MTSS1: variants seen among roughly 807,000 people sequenced by gnomAD.
MTSS1 encodes the protein protein MTSS 1.
A neutral mutation model predicts 79.0 loss-of-function variants in MTSS1; 18 were observed. The observed-to-expected ratio is 0.23, with a 90% CI of 0.16 to 0.34. The LOEUF (loss-of-function observed/expected upper bound fraction) is 0.34, where lower values mean the gene tolerates loss of function less well. MTSS1 is among the 10% of genes least tolerant of loss of function. MTSS1 has a pLI of 1.00. For missense variants in MTSS1, 815 were observed against 986.2 expected, an observed-to-expected ratio of 0.83 and a Z score of 2.33; for synonymous variants, 341 against 368.6, an observed-to-expected ratio of 0.93 and a Z score of 0.86.
chr8:124,676,716 A>T (rs142935092), intron 3 of MTSS1, among the ~76,000 whole-genome samples: 1 of 152,304 alleles, frequency 6.6e-6, no homozygotes, highest in African/African-American at 2.4e-5. Flanking sequence ...GTTCCCTTGA[A>T]TTCTTTTTTA....
At chr8:124,696,862 A>C (rs574121803) in intron 3 of MTSS1, among the ~76,000 whole-genome samples, 1 of 151,976 alleles carries the variant, frequency 6.6e-6, no homozygotes, top group Non-Finnish European at 1.5e-5. Context: ...AAAAAAAAAA[A>C]AAGAAAAAAA....
chr8:124,554,481 A>G (rs1334485461), intron 13 of MTSS1, among the ~76,000 whole-genome samples: 1 of 152,190 alleles, frequency 6.6e-6, no homozygotes, highest in Non-Finnish European at 1.5e-5. Context: ...TCACCCTCCA[A>G]TAAGACTCAC....
chr8:124,664,510 G>A (rs1048131563), intron 3 of MTSS1, among the ~76,000 whole-genome samples: 3 of 152,140 alleles, frequency 2.0e-5, no homozygotes, highest in African/African-American at 7.2e-5. Flanking sequence ...AAGATTAGAA[G>A]CCACACTCTA....
chr8:124,573,809 T>C (rs533801727), intron 6 of MTSS1, among the ~76,000 whole-genome samples: 47 of 152,348 alleles, frequency 3.1e-4, no homozygotes, highest in African/African-American at 8.7e-4. Context: ...GTTTTGTTTT[T>C]TTCCTGGTGC....
Position 124,589,615 on chromosome 8 carries a change from T to G in MTSS1, c.385+5A>C, listed in dbSNP as rs200996256. 5.9e-5 allele frequency: 95 copies of G among 1,611,870 alleles called. No homozygotes were observed. In the African/African-American group the frequency reaches 1.2e-3, roughly 21 times the overall value. ...AGTGATGCGCTAGACATCTCGCCCCTGTACCTTTTGCGTGGTCTTTATCCA... is the reference window on the plus strand; with the variant it reads ...AGTGATGCGCTAGACATCTCGCCCCGGTACCTTTTGCGTGGTCTTTATCCA... On this transcript the variant is annotated splice_donor_5th_base_variant and intron_variant, in intron 5 of 13. Transcript: ENST00000518547.
At chr8:124,557,586 G>A (rs1313680548) in intron 11 of MTSS1, 95 bp downstream of exon 11, 1 of 1,243,324 alleles carries the variant, frequency 8.0e-7, no homozygotes, top group African/African-American at 1.5e-5. Flanking sequence ...TGAAAGGAAG[G>A]GGATGAGGGG....
chr8:124,566,385 T>C (rs768828030), intron 8 of MTSS1, among the ~76,000 whole-genome samples: 2 of 152,214 alleles, frequency 1.3e-5, no homozygotes, highest in Non-Finnish European at 2.9e-5. Context: ...CTAATAAATA[T>C]AATTTGATAG....
intron 3 of MTSS1, among the ~76,000 whole-genome samples, chr8:124,681,013 A>G (rs1375466971): frequency 2.0e-5 from 3 of 152,104 alleles, no homozygotes; most frequent in Non-Finnish European, 4.4e-5. Flanking sequence ...GTTCAGGGCC[A>G]CCTGAGGATT....
At chr8:124,574,097 A>T (rs61105996) in intron 6 of MTSS1, among the ~76,000 whole-genome samples, 2,728 of 152,182 alleles carry the variant, frequency 0.018, 70 homozygotes, top group African/African-American at 0.059. Flanking sequence ...GGTTCAAGAC[A>T]GTATGTCCGA....
chr8:124,719,097 C>T (rs1832542937), intron 1 of MTSS1, among the ~76,000 whole-genome samples: 1 of 152,158 alleles, frequency 6.6e-6, no homozygotes, highest in African/African-American at 2.4e-5. Context: ...AGAGAGAGCC[C>T]AGTCCTGTGG....
chr8:124,560,012 C>T (rs1271696135), intron 10 of MTSS1, among the ~76,000 whole-genome samples: 1 of 152,098 alleles, frequency 6.6e-6, no homozygotes, highest in Non-Finnish European at 1.5e-5. Flanking sequence ...CCTGTAAGGG[C>T]AAGGAGACAA....
intron 3 of MTSS1, among the ~76,000 whole-genome samples, chr8:124,654,223 A>G (rs1820537632): frequency 6.6e-6 from 1 of 152,212 alleles, no homozygotes; most frequent in African/African-American, 2.4e-5. Flanking sequence ...TGCTGATACA[A>G]TCCTGAAGGT....
chr8:124,704,080 C>T (rs1393731499), intron 2 of MTSS1, 50 bp downstream of exon 2: 8 of 1,565,124 alleles, frequency 5.1e-6, no homozygotes, highest in Non-Finnish European at 7.0e-6. Context: ...CCACTCCATC[C>T]TTGTCTGAGG....
chr8:124,577,220 A>T (rs941019121), intron 6 of MTSS1, among the ~76,000 whole-genome samples: 2 of 152,198 alleles, frequency 1.3e-5, no homozygotes, highest in African/African-American at 4.8e-5. Flanking sequence ...GGCTACATAC[A>T]TTCACCTGAA....
intron 3 of MTSS1, among the ~76,000 whole-genome samples, chr8:124,632,551 C>A (rs112768905): frequency 0.028 from 4,260 of 152,268 alleles, 173 homozygotes; most frequent in African/African-American, 0.097. Context: ...CTGGAAATTT[C>A]TCCAGCCAAA....
intron 13 of MTSS1, among the ~76,000 whole-genome samples, chr8:124,554,780 A>C (rs1823231871): frequency 1.3e-5 from 2 of 152,264 alleles, no homozygotes; most frequent in African/African-American, 4.8e-5. Context: ...CCTACCCCAT[A>C]AGTGGCTGTA....
intron 3 of MTSS1, among the ~76,000 whole-genome samples, chr8:124,679,526 T>C (rs1309483909): frequency 2.6e-5 from 4 of 152,238 alleles, no homozygotes; most frequent in Non-Finnish European, 5.9e-5. Context: ...CGGTCTTCCA[T>C]TCTGGACAGT....
rs566112220 is a variant in MTSS1, at chr8:124,669,177, A to G, written c.208+30349T>C. Among the ~76,000 whole-genome samples the G allele has an allele frequency of 2.6e-4, 39 of 152,338 alleles. No individual in the cohort carries two copies. In the South Asian group the frequency reaches 8.1e-3, roughly 32 times the overall value. On this transcript the variant is annotated intron_variant, in intron 3 of 13. Coordinates refer to ENST00000518547, the MANE Select transcript of MTSS1 (RefSeq NM_014751.6). ...CAGAAAAGCATGATCACATGGTGCA[A>G]TTAGAGAAGATTTCAGCCCCACGGT...
chr8:124,705,881 C>G (rs911051297), intron 1 of MTSS1, among the ~76,000 whole-genome samples: 1 of 152,190 alleles, frequency 6.6e-6, no homozygotes, highest in Non-Finnish European at 1.5e-5. Flanking sequence ...TCACTAGATG[C>G]CAGCGTTCCC....
Sources: allele counts gnomAD v4.1 joint callset (sites outside exome capture counted in the v4.1 genomes callset), GRCh38; gene constraint gnomAD v4.1.1; transcripts MANE v1.5; gene names NCBI Gene and HGNC (gene_info 2026-07-23, HGNC 2026-07-21).